Variants in ZNF354A observed in about 807,000 individuals in gnomAD.
ZNF354A encodes the protein epididymis luminal protein 104.
A neutral mutation model predicts 53.3 loss-of-function variants in ZNF354A; 25 were observed. The observed-to-expected ratio is 0.47, with a 90% CI of 0.34 to 0.66. The LOEUF (loss-of-function observed/expected upper bound fraction) is 0.66. Ranked by LOEUF, ZNF354A falls within the 30% of genes least tolerant of loss-of-function variation. The probability of loss-of-function intolerance (pLI) is 0.01; values close to 1 mark genes in which losing one functional copy is unlikely to be tolerated. For missense variants in ZNF354A, 586 were observed against 716.8 expected, an observed-to-expected ratio of 0.82 and a Z score of 2.08; for synonymous variants, 228 against 249.0, an observed-to-expected ratio of 0.92 and a Z score of 0.79.
At position 178,727,773 on chromosome 5, in the gene ZNF354A, A is replaced by G. The variant is rs148789413; in HGVS notation, c.34-648T>C. On this transcript the variant is annotated intron_variant, in intron 2 of 4. Transcript: ENST00000335815. Reference sequence around the variant, plus strand: ...TATTGTTGCCACTTTACACAAGAGAAAACAAAGTCACAGACAAGATAAGAA... The same window carrying G: ...TATTGTTGCCACTTTACACAAGAGAGAACAAAGTCACAGACAAGATAAGAA... Among the ~76,000 whole-genome samples the G allele has an allele frequency of 5.3e-3, 813 of 152,356 alleles. 6 individuals carry two copies. The highest frequency in any genetic ancestry group is 0.018 in the African/African-American group (751 of 41,582).
At chr5:178,714,892 G>A (rs566225415) in intron 4 of ZNF354A, among the ~76,000 whole-genome samples, 1 of 152,190 alleles carries the variant, frequency 6.6e-6, no homozygotes, top group Non-Finnish European at 1.5e-5. Context: ...AAACAGGAGG[G>A]CCCTGTTATT....
chr5:178,716,261 A>C (rs1315971370), intron 4 of ZNF354A, among the ~76,000 whole-genome samples: 1 of 152,150 alleles, frequency 6.6e-6, no homozygotes, highest in Non-Finnish European at 1.5e-5. Flanking sequence ...TAGATTTTCA[A>C]TGATTCACAT....
rs1457614862 is a variant in ZNF354A at position 178,712,505 on chromosome 5, C to T, written c.1373G>A (p.Arg458Gln). Residue 458 changes from arginine (R) to glutamine (Q), a missense_variant, in exon 5 of 5, where the codon CGA (arginine) becomes CAA (glutamine). Arg to Gln is a conservative substitution (Grantham distance 43). Around this residue, in one of 2 missense-constraint regions of ZNF354A, gnomAD observed 573 missense variants for 680.1 expected, o/e 0.84. Transcript: ENST00000335815. ...SSHSTLIIHE[R>Q]IHTGEKPCKC... ...ACATGGTTTTTCTCCAGTATGAATT[C>T]GCTCGTGAATAATAAGTGTTGAGTG... The T allele has an allele frequency of 1.2e-6, 2 of 1,614,000 alleles. No homozygotes were observed. Among genetic ancestry groups the T allele is most frequent in the African/African-American group, 2.7e-5 (2 of 74,910 alleles).
intron 1 of ZNF354A, among the ~76,000 whole-genome samples, chr5:178,729,749 G>A (rs967774050): frequency 1.3e-5 from 2 of 151,544 alleles, no homozygotes; most frequent in Non-Finnish European, 2.9e-5. Context: ...GTTTCACCGT[G>A]TTGCCCAGGC....
At chr5:178,724,784 T>A (rs1449231778) in intron 4 of ZNF354A, among the ~76,000 whole-genome samples, 1 of 152,204 alleles carries the variant, frequency 6.6e-6, no homozygotes, top group African/African-American at 2.4e-5. Context: ...AATGGTGGCG[T>A]CCTAACAATG....
intron 4 of ZNF354A, among the ~76,000 whole-genome samples, chr5:178,724,360 G>A (rs888815453): frequency 2.0e-5 from 3 of 151,952 alleles, no homozygotes; most frequent in African/African-American, 7.3e-5. Context: ...GAGTAGCTGG[G>A]ATTACAGGCC....
chr5:178,730,453 G>A (rs1487124665), intron 1 of ZNF354A, 103 bp downstream of exon 1: 1 of 152,154 alleles, frequency 6.6e-6, no homozygotes, highest in Non-Finnish European at 1.5e-5. Context: ...AGACGCGGGG[G>A]TGCCCGCCAG....
At chr5:178,727,873 A>G (rs11747232) in intron 2 of ZNF354A, among the ~76,000 whole-genome samples, 36,427 of 151,776 alleles carry the variant, frequency 0.24, 5,087 homozygotes, top group South Asian at 0.35. Flanking sequence ...TCTTTGAGAC[A>G]GAGTTTGGCT....
intron 2 of ZNF354A, among the ~76,000 whole-genome samples, chr5:178,728,626 A>G (rs1040351326): frequency 7.1e-6 from 1 of 141,704 alleles, no homozygotes; most frequent in Admixed American, 7.0e-5. Flanking sequence ...CCCATCTCTA[A>G]TAAAAGCACA....
At chr5:178,721,447 A>G (rs142301698) in intron 4 of ZNF354A, among the ~76,000 whole-genome samples, 234 of 152,340 alleles carry the variant, frequency 1.5e-3, no homozygotes, top group African/African-American at 5.0e-3. Context: ...TATGTAGGCT[A>G]TCATTGACTG....
intron 4 of ZNF354A, among the ~76,000 whole-genome samples, 163 bp from the exon 5 acceptor site, chr5:178,713,784 T>C (rs755670236): frequency 7.5e-4 from 114 of 152,032 alleles, no homozygotes; most frequent in Non-Finnish European, 1.2e-3. Context: ...TTAGACAGTA[T>C]AATAAAATAT....
At chr5:178,727,420 C>T (rs933107834) in intron 2 of ZNF354A, among the ~76,000 whole-genome samples, 1 of 152,114 alleles carries the variant, frequency 6.6e-6, no homozygotes, top group African/African-American at 2.4e-5. Flanking sequence ...CATATTAGAA[C>T]CCTCAAAGTA....
chr5:178,712,456 G>A lies in ZNF354A; in HGVS notation c.1422C>T (p.Ala474=), dbSNP rs755280537. The A allele has an allele frequency of 1.9e-6, 3 of 1,613,894 alleles. No individual in the cohort carries two copies. The highest frequency in any genetic ancestry group is 1.3e-5 in the African/African-American group (1 of 74,990). ...GAATGAGAGCTGAACTCTGTCTGAA[G>A]GCTTTTCCACATACTTTACATTTAC... is the stretch of plus-strand genomic sequence containing the variant. ...KPCKCKVCGK[A]FRQSSALIQH... The change falls in exon 5 of 5, where the codon GCC becomes GCT. Residue 474 remains alanine, a synonymous_variant. Transcript: ENST00000335815.
At chr5:178,722,155 TTCC>T (rs1765824601) in intron 4 of ZNF354A, among the ~76,000 whole-genome samples, 1 of 152,030 alleles carries the variant, frequency 6.6e-6, no homozygotes. Flanking sequence ...AATGCTGGAG[TTCC>T]TCAAGATTCA....
chr5:178,715,075 AAAGTAAAGAACAG>A (rs1765688813), intron 4 of ZNF354A, among the ~76,000 whole-genome samples: 1 of 152,210 alleles, frequency 6.6e-6, no homozygotes, highest in Non-Finnish European at 1.5e-5. Flanking sequence ...TTAACATGGA[AAAGTAAAGAACAG>A]AAGTGAAGAA....
Position 178,730,632 on chromosome 5 carries a change from G to A in ZNF354A, c.-128C>T, listed in dbSNP as rs914726436. On this transcript the variant is annotated 5_prime_UTR_variant, in exon 1 of 5. Coordinates refer to ENST00000335815, the MANE Select transcript of ZNF354A (RefSeq NM_005649.3). ...GAACCGCCGGCCGGGATGCAGCCTC[G>A]CGACCCGGCTCCGCCCCGACGGCGT... The A allele has an allele frequency of 6.6e-6, 1 of 151,852 alleles. No individual in the cohort carries two copies. Among genetic ancestry groups the A allele is most frequent in the Non-Finnish European group, 1.5e-5 (1 of 67,938 alleles). The allele number at this position is 151,852 out of a possible 1,614,324, so 9.4% of individuals were successfully genotyped here.
intron 4 of ZNF354A, among the ~76,000 whole-genome samples, chr5:178,717,570 T>C (rs1243741185): frequency 6.6e-6 from 1 of 151,232 alleles, no homozygotes; most frequent in Non-Finnish European, 1.5e-5. Flanking sequence ...CTGTTTCTGG[T>C]ATGTTTGTGA....
At position 178,711,840 on chromosome 5, in the gene ZNF354A, G is replaced by A; in HGVS notation, c.*220C>T. The A allele has an allele frequency of 2.1e-6, 1 of 486,706 alleles. No homozygotes were observed. 30.1% of individuals were successfully genotyped at this position (486,706 alleles called of 1,614,324 possible). ...ATGGCTAAAGTCAATGTCTTCAATT[G>A]TAAATTCTTCATCTCAGGTTATTTT... On this transcript the variant is annotated 3_prime_UTR_variant, in exon 5 of 5. Transcript: ENST00000335815.
At chr5:178,720,992 T>C (rs532990456) in intron 4 of ZNF354A, among the ~76,000 whole-genome samples, 77 of 152,348 alleles carry the variant, frequency 5.1e-4, no homozygotes, top group Non-Finnish European at 8.5e-4. Flanking sequence ...GGGTACTTTC[T>C]CATTTTTGTT....
Sources: gnomAD v4.1 joint callset for allele counts (sites outside exome capture counted in the v4.1 genomes callset) on GRCh38, gnomAD v4.1.1 for gene constraint, gnomAD v4.1.1 regional missense constraint, MANE v1.5 for transcripts, NCBI Gene and HGNC (gene_info 2026-07-23, HGNC 2026-07-21) for gene names.